The following NTAQ1 variants were observed in gnomAD, a reference collection of about 807,000 sequenced individuals.
The protein encoded by NTAQ1 is N-terminal glutamine amidase 1, also known as protein N-terminal glutamine amidohydrolase.
A neutral mutation model predicts 28.2 loss-of-function variants in NTAQ1; 21 were observed. That is an observed-to-expected ratio of 0.74 (90% CI 0.53 to 1.07). The LOEUF (loss-of-function observed/expected upper bound fraction) is 1.07. NTAQ1 is among the 50% of genes least tolerant of loss of function. The pLI is 0.00. For synonymous variants in NTAQ1, 105 were observed against 90.0 expected (o/e 1.17, Z -0.94); for missense variants, 264 against 256.6 (o/e 1.03, Z -0.20).
At chr8:123,459,286 A>T (rs1485502487) in intron 6 of NTAQ1, among the ~76,000 whole-genome samples, 1 of 151,678 alleles carries the variant, frequency 6.6e-6, no homozygotes, top group Non-Finnish European at 1.5e-5. Context: ...AGATGAAGAG[A>T]TCAGGTGTGG....
chr8:123,432,238 A>G (rs1563888777), intron 3 of NTAQ1, among the ~76,000 whole-genome samples: 1 of 152,220 alleles, frequency 6.6e-6, no homozygotes, highest in Non-Finnish European at 1.5e-5. Context: ...GGATAATTCT[A>G]ATGTGTAGCC....
At chr8:123,457,686 G>A (rs981386554) in intron 6 of NTAQ1, among the ~76,000 whole-genome samples, 2 of 152,116 alleles carry the variant, frequency 1.3e-5, no homozygotes, top group African/African-American at 2.4e-5. Context: ...AAACTTCATT[G>A]TGTACCCTTT....
intron 3 of NTAQ1, among the ~76,000 whole-genome samples, chr8:123,431,507 G>A (rs2130250339): frequency 6.6e-6 from 1 of 152,294 alleles, no homozygotes; most frequent in Middle Eastern, 3.4e-3. Context: ...TATATTGAGT[G>A]TGTTTTATAT....
chr8:123,443,338 AAGT>A (rs1815149980), downstream of NTAQ1, among the ~76,000 whole-genome samples: 1 of 152,134 alleles, frequency 6.6e-6, no homozygotes, highest in Admixed American at 6.5e-5. Context: ...ATGTTATTAA[AAGT>A]AGGTATAAAT....
At chr8:123,449,079 A>G (rs1815387589), downstream of NTAQ1, among the ~76,000 whole-genome samples, 1 of 152,202 alleles carries the variant, frequency 6.6e-6, no homozygotes, top group Non-Finnish European at 1.5e-5. Flanking sequence ...AAGGAAAGAA[A>G]GAACTGTGTC....
chr8:123,441,237 C>G (rs1011494711), intron 5 of NTAQ1, 69 bp from the exon 6 acceptor site: 2 of 1,208,492 alleles, frequency 1.7e-6, no homozygotes, highest in Non-Finnish European at 2.4e-6. Flanking sequence ...TGGTCTTCTG[C>G]ATTGTTTTAT....
chr8:123,469,938 C>T (rs1816025410), exon 7 of NTAQ1, among the ~76,000 whole-genome samples: 1 of 152,166 alleles, frequency 6.6e-6, no homozygotes, highest in African/African-American at 2.4e-5. Context: ...TTGTGTCCCC[C>T]AAAATGTACA....
Position 123,436,489 on chromosome 8 carries a change from G to A in NTAQ1, c.271G>A (p.Gly91Arg). ...HVVLLHVSSG[G>R]QNFIYDLDTV... ...TGTTTTGCTTCATGTTTCAAGTGGA[G>A]GACAGAACTTCATTTATGATCTCGA... Residue 91 changes from glycine (G) to arginine (R), a missense_variant, in exon 4 of 6, where the codon GGA becomes AGA. Gly to Arg is a moderately radical substitution (Grantham distance 125). Transcript: ENST00000287387. 1 of 1,613,740 alleles carries A rather than the reference G, an allele frequency of 6.2e-7. No individual in the cohort carries two copies. The highest frequency in any genetic ancestry group is 8.5e-7 in the Non-Finnish European group (1 of 1,179,860).
At chr8:123,472,213 A>G (rs955620085), downstream of NTAQ1, among the ~76,000 whole-genome samples, 5 of 152,122 alleles carry the variant, frequency 3.3e-5, no homozygotes, top group African/African-American at 1.2e-4. Flanking sequence ...AAAGCTAAGA[A>G]ATGTGTAATT....
chr8:123,442,036 A>AT lies in NTAQ1; in HGVS notation c.*626dup, dbSNP rs1815095001. 6.6e-6 allele frequency: 1 copy of AT among 152,586 alleles called. No individual in the cohort carries two copies. The highest frequency in any genetic ancestry group is 2.4e-5 in the African/African-American group (1 of 41,434). 9.5% of individuals were successfully genotyped at this position (152,586 alleles called of 1,614,324 possible). Reference sequence around the variant, plus strand: ...ATTTAACGTTAGTTTTGTTTTGAAGATTTTTGTGTCACCCTTGATGATCTG... The same window carrying AT: ...ATTTAACGTTAGTTTTGTTTTGAAGATTTTTTGTGTCACCCTTGATGATCTG... On this transcript the variant is annotated 3_prime_UTR_variant, in exon 6 of 6. Transcript: ENST00000287387.
intron 6 of NTAQ1, among the ~76,000 whole-genome samples, chr8:123,463,610 C>T (rs957298045): frequency 3.9e-5 from 6 of 152,128 alleles, no homozygotes; most frequent in Admixed American, 6.5e-5. Flanking sequence ...GTGAGATTGA[C>T]GTGGTATACA....
Position 123,442,216 on chromosome 8 carries a change from C to G in NTAQ1, c.*801C>G, listed in dbSNP as rs561447778. The stretch of plus-strand genomic sequence containing the variant: ...ATTACATTGGCATATAGTACCAGCT[C>G]TCATGTTTTCATGATTCTACTTTAA... On this transcript the variant is annotated 3_prime_UTR_variant, in exon 6 of 6. Coordinates refer to ENST00000287387, the MANE Select transcript of NTAQ1 (RefSeq NM_018024.3). The G allele has an allele frequency of 6.6e-6, 1 of 152,238 alleles. No homozygotes were observed. Among genetic ancestry groups the G allele is most frequent in the African/African-American group, 2.4e-5 (1 of 41,546 alleles). 9.4% of individuals were successfully genotyped at this position (152,238 alleles called of 1,614,324 possible). A position where few individuals can be genotyped will look rare whatever the true frequency, so the allele number is the denominator to read the frequency against.
chr8:123,464,911 G>T (rs375059911), intron 6 of NTAQ1, among the ~76,000 whole-genome samples: 69 of 152,206 alleles, frequency 4.5e-4, no homozygotes, highest in South Asian at 8.3e-4. Context: ...GGTATCATGC[G>T]CCTGTAATCC....
chr8:123,424,397 C>T (rs1813914275), intron 1 of NTAQ1, among the ~76,000 whole-genome samples: 1 of 152,130 alleles, frequency 6.6e-6, no homozygotes, highest in African/African-American at 2.4e-5. Flanking sequence ...TGCCTGCCAC[C>T]ACACCCATCT....
intron 5 of NTAQ1, chr8:123,438,382 G>A (rs374844778): frequency 9.7e-6 from 5 of 515,832 alleles, no homozygotes; most frequent in Admixed American, 3.4e-5. Context: ...GGGTCTGAGC[G>A]TGGTGGCTTA....
At chr8:123,455,180 T>G (rs1815611622) in intron 6 of NTAQ1, 1 of 152,218 alleles carries the variant, frequency 6.6e-6, no homozygotes, top group African/African-American at 2.4e-5. Flanking sequence ...ACTTAGGGCT[T>G]CAGCAGAGAA....
At chr8:123,448,964 T>C (rs75301162), downstream of NTAQ1, among the ~76,000 whole-genome samples, 3,360 of 152,238 alleles carry the variant, frequency 0.022, 111 homozygotes, top group African/African-American at 0.074. Flanking sequence ...CCAGACTAGA[T>C]GATTATACAT....
downstream of NTAQ1, among the ~76,000 whole-genome samples, chr8:123,453,013 C>T (rs1405055869): frequency 6.6e-6 from 1 of 152,184 alleles, no homozygotes; most frequent in African/African-American, 2.4e-5. Flanking sequence ...TCCATGGGGA[C>T]CTGGAGTTTT....
Position 123,416,879 on chromosome 8 carries a change from C to T in NTAQ1, c.30C>T (p.His10=), listed in dbSNP as rs1347475332. ...AAGGTAATGGCCCCGCTGCTGTCCACTACCAGCCGGCCAGCCCCCCGCGGG... is the reference window on the plus strand; with the variant it reads ...AAGGTAATGGCCCCGCTGCTGTCCATTACCAGCCGGCCAGCCCCCCGCGGG... MEGNGPAAV[H]YQPASPPRDA... The change falls in exon 1 of 6, where the codon CAC becomes CAT. Residue 10 remains histidine (H), a synonymous_variant. Coordinates refer to ENST00000287387, the MANE Select transcript of NTAQ1 (RefSeq NM_018024.3). 6.5e-6 allele frequency: 10 copies of T among 1,529,858 alleles called. No homozygotes were observed. Among genetic ancestry groups the T allele is most frequent in the Non-Finnish European group, 7.9e-6 (9 of 1,139,320 alleles). 94.8% of individuals were successfully genotyped at this position (1,529,858 alleles called of 1,614,324 possible). A position where few individuals can be genotyped will look rare whatever the true frequency, so the allele number is the denominator to read the frequency against.
Sources: gnomAD v4.1 joint callset for allele counts (sites outside exome capture counted in the v4.1 genomes callset) on GRCh38, gnomAD v4.1.1 for gene constraint, MANE v1.5 for transcripts, NCBI Gene and HGNC (gene_info 2026-07-23, HGNC 2026-07-21) for gene names.